The following NELL1 variants were observed in gnomAD, a reference collection of about 807,000 sequenced individuals.
NELL1 encodes protein kinase C-binding protein NELL1.
Under a neutral mutation model 107.4 loss-of-function variants are expected in NELL1, and 76 were observed. The observed-to-expected ratio is 0.71, with a 90% CI of 0.59 to 0.86. The LOEUF is 0.86. Ranked by LOEUF, NELL1 falls within the 40% of genes least tolerant of loss-of-function variation. The probability of loss-of-function intolerance (pLI) is 0.00; values close to 1 mark genes in which losing one functional copy is unlikely to be tolerated. For synonymous variants in NELL1, 353 were observed against 341.2 expected (o/e 1.03, Z -0.38); for missense variants, 1,024 against 1,005.5 (o/e 1.02, Z -0.25).
intron 2 of NELL1, among the ~76,000 whole-genome samples, chr11:20,718,502 C>A (rs1666029713): frequency 6.6e-6 from 1 of 150,642 alleles, no homozygotes; most frequent in African/African-American, 2.4e-5. Flanking sequence ...AATATTTTTT[C>A]TTTCACTGAG....
chr11:21,321,374 T>C (rs1433065828), intron 14 of NELL1, among the ~76,000 whole-genome samples: 1 of 151,316 alleles, frequency 6.6e-6, no homozygotes, highest in Non-Finnish European at 1.5e-5. Flanking sequence ...CCCTCAGAGG[T>C]GATTGAAGTG....
At chr11:20,853,579 G>C (rs1371188314) in intron 4 of NELL1, among the ~76,000 whole-genome samples, 1 of 152,156 alleles carries the variant, frequency 6.6e-6, no homozygotes, top group Non-Finnish European at 1.5e-5. Flanking sequence ...TTAAGCTTCT[G>C]TATGAACATA....
intron 15 of NELL1, among the ~76,000 whole-genome samples, chr11:21,409,475 A>G (rs943576046): frequency 1.3e-5 from 2 of 152,032 alleles, no homozygotes; most frequent in African/African-American, 4.8e-5. Context: ...AGATATACCT[A>G]ATGCTAAATG....
chr11:21,081,501 G>A (rs138331681), intron 12 of NELL1, among the ~76,000 whole-genome samples: 1 of 152,030 alleles, frequency 6.6e-6, no homozygotes, highest in African/African-American at 2.4e-5. Flanking sequence ...TCACAAAATA[G>A]TGTGTCTTAA....
intron 12 of NELL1, among the ~76,000 whole-genome samples, chr11:21,011,150 C>G (rs990960831): frequency 1.3e-5 from 2 of 152,134 alleles, no homozygotes; most frequent in Non-Finnish European, 2.9e-5. Flanking sequence ...TTTATTTCCC[C>G]TATCTTTGCT....
At chr11:21,280,703 C>T (rs1848972405) in intron 14 of NELL1, among the ~76,000 whole-genome samples, 1 of 152,028 alleles carries the variant, frequency 6.6e-6, no homozygotes, top group Non-Finnish European at 1.5e-5. Context: ...TACTGCAAGC[C>T]TCAGCAAAGC....
intron 15 of NELL1, among the ~76,000 whole-genome samples, chr11:21,416,573 A>G (rs1852525397): frequency 6.6e-6 from 1 of 152,178 alleles, no homozygotes; most frequent in Admixed American, 6.6e-5. Context: ...TGACAGATAA[A>G]TAGATTCTCT....
intron 12 of NELL1, among the ~76,000 whole-genome samples, chr11:21,076,472 A>G (rs1273569877): frequency 1.3e-5 from 2 of 152,242 alleles, no homozygotes; most frequent in Non-Finnish European, 2.9e-5. Flanking sequence ...GAATTTGGTT[A>G]AAGAAGGAAG....
chr11:20,693,013 TTGAA>T (rs1565310241), intron 2 of NELL1, among the ~76,000 whole-genome samples: 1 of 152,120 alleles, frequency 6.6e-6, no homozygotes, highest in Non-Finnish European at 1.5e-5. Context: ...GCTCTTCTTG[TTGAA>T]TTGATCCCTT....
intron 2 of NELL1, among the ~76,000 whole-genome samples, chr11:20,706,844 C>G (rs1195286518): frequency 1.3e-5 from 2 of 152,154 alleles, no homozygotes; most frequent in African/African-American, 4.8e-5. Context: ...GTGAATCTGA[C>G]AATTATGTGT....
At chr11:21,330,271 T>C (rs571553386) in intron 14 of NELL1, among the ~76,000 whole-genome samples, 4 of 152,258 alleles carry the variant, frequency 2.6e-5, no homozygotes, top group Admixed American at 6.5e-5. Flanking sequence ...AAGGAAAATA[T>C]GCATTTATAC....
chr11:21,526,439 G>T (rs1855857825), intron 15 of NELL1, among the ~76,000 whole-genome samples: 4 of 152,194 alleles, frequency 2.6e-5, no homozygotes, highest in African/African-American at 9.7e-5. Context: ...ACCATTCTGG[G>T]GTCTGGAGGA....
At chr11:21,214,694 T>A (rs1273059581) in intron 13 of NELL1, among the ~76,000 whole-genome samples, 1 of 147,434 alleles carries the variant, frequency 6.8e-6, no homozygotes, top group Non-Finnish European at 1.5e-5. Flanking sequence ...CGGATATTTA[T>A]CCTAGAAATG....
intron 13 of NELL1, among the ~76,000 whole-genome samples, chr11:21,201,727 A>T (rs963728715): frequency 6.6e-6 from 1 of 152,208 alleles, no homozygotes; most frequent in Non-Finnish European, 1.5e-5. Context: ...GAATGCTTCC[A>T]GCTTTTGCCC....
chr11:21,539,673 T>G (rs1278447898), intron 16 of NELL1, among the ~76,000 whole-genome samples: 3 of 151,160 alleles, frequency 2.0e-5, no homozygotes, highest in Non-Finnish European at 4.4e-5. Context: ...CTTCTGTTCG[T>G]CTGCTCATCT....
chr11:21,070,053 G>A (rs1385453692), intron 12 of NELL1, among the ~76,000 whole-genome samples: 1 of 151,986 alleles, frequency 6.6e-6, no homozygotes, highest in Non-Finnish European at 1.5e-5. Flanking sequence ...GGACAAAATA[G>A]TTTCCTTGCC....
chr11:21,097,628 T>G (rs990368631), intron 12 of NELL1, among the ~76,000 whole-genome samples: 1 of 152,076 alleles, frequency 6.6e-6, no homozygotes, highest in Admixed American at 6.6e-5. Flanking sequence ...TGTGAGTTAT[T>G]GATTAGAGCT....
intron 16 of NELL1, among the ~76,000 whole-genome samples, chr11:21,550,720 A>G (rs185707548): frequency 3.3e-5 from 5 of 152,056 alleles, no homozygotes; most frequent in Non-Finnish European, 5.9e-5. Flanking sequence ...TGGTACCAGT[A>G]CCATGCTGTT....
At chr11:20,974,844 A>T (rs1851572284) in intron 12 of NELL1, among the ~76,000 whole-genome samples, 1 of 152,182 alleles carries the variant, frequency 6.6e-6, no homozygotes, top group South Asian at 2.1e-4. Context: ...CTTAAATTTA[A>T]AAAAGATAAA....
Sources: allele counts gnomAD v4.1 joint callset (sites outside exome capture counted in the v4.1 genomes callset), GRCh38; gene constraint gnomAD v4.1.1; transcripts MANE v1.5; gene names NCBI Gene and HGNC (gene_info 2026-07-23, HGNC 2026-07-21).